CPXM2: variants seen among roughly 807,000 people sequenced by gnomAD.
CPXM2 encodes the protein carboxypeptidase X, M14 family member 2.
CPXM2 carries 66 observed loss-of-function variants against 86.1 expected under a neutral mutation model. The observed-to-expected ratio is 0.77, with a 90% confidence interval of 0.63 to 0.94. The LOEUF (loss-of-function observed/expected upper bound fraction) is 0.94. Ranked by LOEUF, CPXM2 falls within the 40% of genes least tolerant of loss-of-function variation. The pLI, the probability that CPXM2 is intolerant of heterozygous loss-of-function variation, is 0.00. For missense variants in CPXM2, 948 were observed against 1,026.3 expected (o/e 0.92, Z 1.04); for synonymous variants, 388 against 400.2 (o/e 0.97, Z 0.36).
chr10:123,860,402 C>T (rs1848825091), intron 3 of CPXM2, among the ~76,000 whole-genome samples: 1 of 152,194 alleles, frequency 6.6e-6, no homozygotes. Flanking sequence ...ACTCAGCATG[C>T]CTGTCTACAA....
At chr10:123,841,128 T>A (rs1284281914) in intron 4 of CPXM2, among the ~76,000 whole-genome samples, 4 of 152,116 alleles carry the variant, frequency 2.6e-5, no homozygotes, top group Non-Finnish European at 5.9e-5. Flanking sequence ...TGTCGGCAGA[T>A]GTTAGAAGAA....
chr10:123,767,047 G>A lies in CPXM2; in HGVS notation c.1405C>T (p.Arg469Ter), dbSNP rs138440648. Residue 469 changes from arginine to a stop codon, truncating the protein, a stop_gained, in exon 10 of 14, where the codon CGA (arginine) becomes TGA (stop). Coordinates refer to ENST00000241305, the MANE Select transcript of CPXM2 (RefSeq NM_198148.3). LOFTEE classifies it high-confidence loss of function. ...LNTLLWEAED[R>*]QNVPRKVPNH... ...GGAACTTTCCTGGGGACATTCTGTC[G>A]ATCCTCTGCCTCCCAGAGCAGCGTG... 39 of 1,613,968 alleles carry A rather than the reference G, an allele frequency of 2.4e-5. No individual in the cohort carries two copies. The highest frequency in any genetic ancestry group is 2.8e-5 in the Non-Finnish European group (33 of 1,179,978).
rs907188092 is a variant in CPXM2, at chr10:123,891,722, G to T, written c.-63C>A. 4.0e-6 allele frequency: 5 copies of T among 1,252,122 alleles called. No homozygotes were observed. In the African/African-American group the frequency reaches 7.9e-5, roughly 20 times the overall value. The allele number at this position is 1,252,122 out of a possible 1,614,324, so 77.6% of individuals were successfully genotyped here. ...ACCGGGGGCGCCGGGCGGGCTGCGG[G>T]CGCAGAAGCTGGCGCGGGGCAAGGG... On this transcript the variant is annotated 5_prime_UTR_variant, in exon 1 of 14. Coordinates refer to ENST00000241305, the MANE Select transcript of CPXM2 (RefSeq NM_198148.3). The surrounding 1 kb of genome is among the most constrained non-coding windows in gnomAD (Gnocchi z 5.6).
intron 6 of CPXM2, among the ~76,000 whole-genome samples, chr10:123,794,710 C>A (rs1190083354): frequency 2.7e-5 from 4 of 149,934 alleles, no homozygotes; most frequent in Non-Finnish European, 5.9e-5. Flanking sequence ...GCAATCAAAT[C>A]ATTTTTATTT....
chr10:123,832,951 G>T (rs1331263057), intron 4 of CPXM2, among the ~76,000 whole-genome samples: 1 of 152,170 alleles, frequency 6.6e-6, no homozygotes. Context: ...TCCGCCATGG[G>T]AGGAGGACAC....
At position 123,757,350 on chromosome 10, in the gene CPXM2, G is replaced by A; in HGVS notation, c.1780C>T (p.Leu594=). ...GASWHTVAGS[L]NDFSYLHTNC... is the part of the protein sequence containing the mutation. ...GTATGAAGGTAGCTGAAATCGTTCA[G>A]ACCTGCCAAGCCAACCGGACAACAC... is the stretch of plus-strand genomic sequence containing the variant. The change falls in exon 12 of 14, where the codon CTG becomes TTG. Residue 594 remains leucine, a splice_region_variant and synonymous_variant. Transcript: ENST00000241305. The A allele has an allele frequency of 6.2e-7, 1 of 1,612,790 alleles. No homozygotes were observed. Among genetic ancestry groups the A allele is most frequent in the Middle Eastern group, 1.7e-4 (1 of 6,060 alleles).
At position 123,891,403 on chromosome 10, in the gene CPXM2, T is replaced by C. The variant is rs749492502; in HGVS notation, c.257A>G (p.Lys86Arg). 18 of 1,567,720 alleles carry C rather than the reference T, an allele frequency of 1.1e-5. No individual in the cohort carries two copies. The African/African-American group carries it at 1.2e-4, about 11-fold the overall frequency. The part of the protein sequence containing the change: ...PRPPKRATKP[K>R]KAPKREKSAP... ...CGACTTCTCCCTCTTGGGAGCTTTC[T>C]TGGGCTTGGTGGCCCTCTTGGGCGG... The change falls in exon 1 of 14, where the codon AAG becomes AGG. Residue 86 changes from lysine (K) to arginine (R), a missense_variant. Physicochemically the swap from Lys to Arg is conservative, Grantham distance 26 (BLOSUM62 2). Coordinates refer to ENST00000241305, the MANE Select transcript of CPXM2 (RefSeq NM_198148.3). This position sits in a 1 kb window ranked among gnomAD's most constrained non-coding sequence, Gnocchi z 5.6.
rs1249614738 is a variant in CPXM2 at position 123,913,721 on chromosome 10, AAAAG to A, written n.174+25752_174+25755del. 3.2e-5 allele frequency: 7 copies of A among 218,578 alleles called. No homozygotes were observed. The South Asian group carries it at 4.3e-4, about 14-fold the overall frequency. 13.5% of individuals were successfully genotyped at this position (218,578 alleles called of 1,614,324 possible). On this transcript the variant is annotated intron_variant and non_coding_transcript_variant, in intron 2 of 19. Transcript: ENST00000368854. ...GAAAGACGAGGGGTGGGGAGCGAGAAAAAGAGAAGAGGAAGTGGTGAACAAAAGC... is the reference window on the plus strand; with the variant it reads ...GAAAGACGAGGGGTGGGGAGCGAGAAAGAAGAGGAAGTGGTGAACAAAAGC...
At chr10:123,909,177 T>C in intron 2 of CPXM2, among the ~76,000 whole-genome samples, 1 of 152,142 alleles carries the variant, frequency 6.6e-6, no homozygotes, top group Non-Finnish European at 1.5e-5. Flanking sequence ...AGGATTCGTG[T>C]AGCTCGGGAC....
chr10:123,766,209 CAG>C (rs35287692), intron 10 of CPXM2, among the ~76,000 whole-genome samples: 10,106 of 151,968 alleles, frequency 0.067, 500 homozygotes, highest in East Asian at 0.27. Flanking sequence ...ATGGCAGAGA[CAG>C]AGAGAGAGAG....
At chr10:123,877,304 C>G (rs1169154637) in intron 2 of CPXM2, among the ~76,000 whole-genome samples, 1 of 152,160 alleles carries the variant, frequency 6.6e-6, no homozygotes, top group African/African-American at 2.4e-5. Flanking sequence ...GTCATGTAAC[C>G]TTTGAAAAAA....
rs908989009 is a variant in CPXM2 at position 123,829,364 on chromosome 10, G to A, written c.653+12985C>T. On this transcript the variant is annotated intron_variant, in intron 4 of 13. Coordinates refer to ENST00000241305, the MANE Select transcript of CPXM2 (RefSeq NM_198148.3). ...GAACAGACAAATGTGTATAACCAAC[G>A]TGGAAAAAAAATTTTTTTTTTTTTT... Among the ~76,000 whole-genome samples, 6 of 143,230 alleles carry A rather than the reference G, an allele frequency of 4.2e-5. No homozygotes were observed. The South Asian group carries it at 6.7e-4, about 16-fold the overall frequency. The allele number at this position is 143,230 out of a possible 152,430, so 94.0% of individuals were successfully genotyped here.
intron 2 of CPXM2, among the ~76,000 whole-genome samples, chr10:123,904,176 G>A (rs556233370): frequency 7.9e-5 from 12 of 152,046 alleles, no homozygotes; most frequent in South Asian, 6.2e-4. Context: ...TTACTTCCTC[G>A]GAGACCCCTT....
chr10:123,750,199 G>A, intron 13 of CPXM2: 4 of 985,286 alleles, frequency 4.1e-6, no homozygotes, highest in Non-Finnish European at 4.8e-6. Context: ...TGTCAGATAA[G>A]CCCTCTAATT....
chr10:123,748,613 T>C (rs1478276607), intron 13 of CPXM2, among the ~76,000 whole-genome samples: 1 of 152,060 alleles, frequency 6.6e-6, no homozygotes, highest in Non-Finnish European at 1.5e-5. Flanking sequence ...GAGGCCCAGG[T>C]ACACGCTCAG....
intron 3 of CPXM2, among the ~76,000 whole-genome samples, chr10:123,844,466 C>T (rs1027440097): frequency 4.6e-5 from 7 of 151,910 alleles, no homozygotes; most frequent in Non-Finnish European, 8.8e-5. Flanking sequence ...AGAAAGCACA[C>T]CAATGCCCCT....
intron 13 of CPXM2, chr10:123,750,349 G>A: frequency 1.0e-6 from 1 of 970,888 alleles, no homozygotes; most frequent in South Asian, 4.8e-5. Context: ...GCACTCCACT[G>A]CTCCCAGCCG....
intron 7 of CPXM2, among the ~76,000 whole-genome samples, chr10:123,773,362 C>T (rs1303454338): frequency 6.6e-6 from 1 of 151,556 alleles, no homozygotes; most frequent in Non-Finnish European, 1.5e-5. Flanking sequence ...GGTCATCATT[C>T]CCCTGGTTGT....
At chr10:123,825,345 A>G (rs1008930430) in intron 4 of CPXM2, among the ~76,000 whole-genome samples, 1 of 152,236 alleles carries the variant, frequency 6.6e-6, no homozygotes, top group Non-Finnish European at 1.5e-5. Context: ...ACTAACAAGT[A>G]TCAGACAGCA....
Sources: gnomAD v4.1 joint callset for allele counts (sites outside exome capture counted in the v4.1 genomes callset) on GRCh38, gnomAD v4.1.1 for gene constraint, Gnocchi (gnomAD v3.1) non-coding constraint, MANE v1.5 for transcripts, NCBI Gene and HGNC (gene_info 2026-07-23, HGNC 2026-07-21) for gene names.